The following DCHS2 variants were observed in gnomAD, a reference collection of about 807,000 sequenced individuals.
DCHS2 encodes dachsous cadherin-related 2.
In DCHS2, 142 loss-of-function variants were observed where a neutral mutation model predicts 182.4. That is an observed-to-expected ratio of 0.78 (90% CI 0.68 to 0.89). DCHS2 has a LOEUF of 0.89. DCHS2 is among the 40% of genes least tolerant of loss of function. The pLI, the probability that DCHS2 is intolerant of heterozygous loss-of-function variation, is 0.00. For missense variants in DCHS2, 4,319 were observed against 4,198.6 expected (o/e 1.03, Z -0.79); for synonymous variants, 1,740 against 1,663.3 (o/e 1.05, Z -1.12).
At chr4:154,285,733 G>C (rs1734364141) in intron 13 of DCHS2, among the ~76,000 whole-genome samples, 1 of 152,090 alleles carries the variant, frequency 6.6e-6, no homozygotes, top group Non-Finnish European at 1.5e-5. Context: ...TAGAGCACCA[G>C]GTAGATGTGT....
In DCHS2 at chr4:154,489,880, G is replaced by T. The variant is rs529823011; in HGVS notation, c.1476C>A (p.Cys492Ter). 2.7e-5 allele frequency: 42 copies of T among 1,541,958 alleles called. No individual in the cohort carries two copies. Among genetic ancestry groups the T allele is most frequent in the Non-Finnish European group, 3.2e-5 (37 of 1,141,104 alleles). The change falls in exon 1 of 20, where the codon TGC becomes TGA. Residue 492 changes from cysteine to a stop codon, truncating the protein, a stop_gained. Transcript: ENST00000357232. LOFTEE classifies it high-confidence loss of function. ...PGGPPGVFFL[C>*]VEGPLDRESR... ...TCTCTCTGTCCAGGGGCCCCTCCAC[G>T]CAAAGGAAAAATACCCCTGGGGGGC...
intron 1 of DCHS2, among the ~76,000 whole-genome samples, chr4:154,428,069 TG>T (rs1394441534): frequency 2.6e-5 from 4 of 152,038 alleles, no homozygotes; most frequent in Non-Finnish European, 5.9e-5. Flanking sequence ...CATTGAATAG[TG>T]AAGAGCAAGA....
In DCHS2 at chr4:154,408,565, G is replaced by A. The variant is rs533616438; in HGVS notation, c.2053-31121C>T. 3.3e-5 allele frequency among the ~76,000 whole-genome samples: 5 copies of A among 152,230 alleles called. No individual in the cohort carries two copies. The East Asian group carries it at 9.6e-4, about 29-fold the overall frequency. On this transcript the variant is annotated intron_variant, in intron 1 of 19. Coordinates refer to ENST00000357232, the MANE Select transcript of DCHS2 (RefSeq NM_001358235.2). ...GAGAGGAAAGGTCAAATGCAATAAAGCAAGATAGCCAACTAGAAGCCCTTA... is the reference window on the plus strand; with the variant it reads ...GAGAGGAAAGGTCAAATGCAATAAAACAAGATAGCCAACTAGAAGCCCTTA...
Position 154,342,285 on chromosome 4 carries a change from C to T in DCHS2, c.2477-7181G>A, listed in dbSNP as rs143412939. 9.9e-5 allele frequency among the ~76,000 whole-genome samples: 15 copies of T among 151,806 alleles called. No homozygotes were observed. In the East Asian group the frequency reaches 2.9e-3, roughly 29 times the overall value. On this transcript the variant is annotated intron_variant, in intron 3 of 19. Transcript: ENST00000357232. Reference sequence around the variant, plus strand: ...ATCTTCTTGCTGGTGGAGGGGCTTGCCTCAATGTAGATGGGTACTAACTGG... The same window carrying T: ...ATCTTCTTGCTGGTGGAGGGGCTTGTCTCAATGTAGATGGGTACTAACTGG...
chr4:154,243,603 G>C (rs1283493355), intron 16 of DCHS2, among the ~76,000 whole-genome samples: 2 of 152,042 alleles, frequency 1.3e-5, no homozygotes, highest in Non-Finnish European at 2.9e-5. Flanking sequence ...GCTTTGTCTG[G>C]GAGTGAAGAA....
rs115302086 is a variant in DCHS2, at chr4:154,357,124, A to T, written c.2476+9086T>A. On this transcript the variant is annotated intron_variant, in intron 3 of 19. Transcript: ENST00000357232. ...ACATCAACGAACCTTTGGCCTGCGA[A>T]GTTGTTTAAAACTCACTTTCTCATA... 2.9e-3 allele frequency: 2,168 copies of T among 744,962 alleles called. 29 individuals carry two copies. The African/African-American group carries it at 0.033, about 11-fold the overall frequency. 46.1% of individuals were successfully genotyped at this position (744,962 alleles called of 1,614,324 possible). A position where few individuals can be genotyped will look rare whatever the true frequency, so the allele number is the denominator to read the frequency against.
At chr4:154,457,856 T>G (rs1009439693) in intron 1 of DCHS2, among the ~76,000 whole-genome samples, 20 of 152,164 alleles carry the variant, frequency 1.3e-4, no homozygotes, top group African/African-American at 3.4e-4. Context: ...TTCTCTGGTG[T>G]TGTTGATGCT....
At chr4:154,258,935 G>A (rs148173953) in intron 15 of DCHS2, among the ~76,000 whole-genome samples, 1 of 152,098 alleles carries the variant, frequency 6.6e-6, no homozygotes, top group African/African-American at 2.4e-5. Flanking sequence ...ATCTCCTAAT[G>A]CCCAGCTTCC....
intron 13 of DCHS2, 126 bp from the exon 14 acceptor site, chr4:154,270,139 C>G: frequency 2.5e-6 from 3 of 1,201,390 alleles, no homozygotes; most frequent in Non-Finnish European, 3.4e-6. Flanking sequence ...TCAACAATAA[C>G]TTATTGTCTT....
chr4:154,278,002 C>T (rs1733935605), intron 13 of DCHS2, among the ~76,000 whole-genome samples: 1 of 147,868 alleles, frequency 6.8e-6, no homozygotes, highest in Admixed American at 6.8e-5. Flanking sequence ...GATTATACCA[C>T]TGCACTCCAG....
Position 154,402,521 on chromosome 4 carries a change from A to T in DCHS2, c.2053-25077T>A, listed in dbSNP as rs190055438. On this transcript the variant is annotated intron_variant, in intron 1 of 19. Coordinates refer to ENST00000357232, the MANE Select transcript of DCHS2 (RefSeq NM_001358235.2). ...ATATTAGTCTGTTCTCACACTGCTA[A>T]CAAAGACATACCTGAGACTGGTATA... Among the ~76,000 whole-genome samples the T allele has an allele frequency of 2.4e-3, 365 of 152,346 alleles. 1 individual carries two copies. Among genetic ancestry groups the T allele is most frequent in the Non-Finnish European group, 3.8e-3 (261 of 68,026 alleles).
intron 3 of DCHS2, among the ~76,000 whole-genome samples, chr4:154,364,176 T>C (rs184762392): frequency 2.0e-5 from 3 of 152,338 alleles, no homozygotes; most frequent in East Asian, 3.9e-4. Context: ...ACAGAGTGTT[T>C]TCCATGATTA....
At chr4:154,297,367 T>A (rs1435588975) in intron 13 of DCHS2, among the ~76,000 whole-genome samples, 2 of 152,258 alleles carry the variant, frequency 1.3e-5, no homozygotes, top group Non-Finnish European at 2.9e-5. Flanking sequence ...TACACCTACC[T>A]GGATATTTAT....
At chr4:154,346,013 ATCT>A (rs1561058229) in intron 3 of DCHS2, among the ~76,000 whole-genome samples, 1 of 152,208 alleles carries the variant, frequency 6.6e-6, no homozygotes, top group Non-Finnish European at 1.5e-5. Context: ...GCAGACAGCC[ATCT>A]TCTTGTATAC....
At chr4:154,404,521 A>C (rs1422833620) in intron 1 of DCHS2, among the ~76,000 whole-genome samples, 6 of 152,232 alleles carry the variant, frequency 3.9e-5, no homozygotes, top group Non-Finnish European at 7.4e-5. Flanking sequence ...TGTAAATGCC[A>C]ACTGTGTTAA....
intron 13 of DCHS2, among the ~76,000 whole-genome samples, chr4:154,295,407 T>C (rs1734876753): frequency 6.6e-6 from 1 of 152,218 alleles, no homozygotes; most frequent in African/African-American, 2.4e-5. Context: ...TAACATGTGC[T>C]TCCCTCTTTC....
At chr4:154,326,319 G>A (rs1736281330) in intron 7 of DCHS2, among the ~76,000 whole-genome samples, 1 of 152,156 alleles carries the variant, frequency 6.6e-6, no homozygotes, top group Non-Finnish European at 1.5e-5. Context: ...GTTTGCAGGA[G>A]TTCTTAATAA....
Position 154,259,695 on chromosome 4 carries a change from G to T in DCHS2, c.6639C>A (p.Leu2213=), listed in dbSNP as rs1391102513. ...LDFEVRNEVQ[L]IVLAESSGHR... ...GCCCACTACTTTCAGCTAAAACGAT[G>T]AGTTGAACCTCATTTCTGACTTCAA... The change falls in exon 15 of 20, where the codon CTC becomes CTA. Residue 2213 remains leucine, a synonymous_variant. Coordinates refer to ENST00000357232, the MANE Select transcript of DCHS2 (RefSeq NM_001358235.2). 47 of 1,613,830 alleles carry T rather than the reference G, an allele frequency of 2.9e-5. No homozygotes were observed. The highest frequency in any genetic ancestry group is 3.8e-5 in the Non-Finnish European group (45 of 1,179,990).
chr4:154,388,778 G>A (rs1317985312), intron 1 of DCHS2, among the ~76,000 whole-genome samples: 4 of 152,142 alleles, frequency 2.6e-5, no homozygotes, highest in Non-Finnish European at 5.9e-5. Flanking sequence ...ACAGGCGTAA[G>A]CCACTGCGCC....
Sources: gnomAD v4.1 joint callset for allele counts (sites outside exome capture counted in the v4.1 genomes callset) on GRCh38, gnomAD v4.1.1 for gene constraint, MANE v1.5 for transcripts, NCBI Gene and HGNC (gene_info 2026-07-23, HGNC 2026-07-21) for gene names.